GALNT14: variants seen among roughly 807,000 people sequenced by gnomAD.
GALNT14 encodes the protein polypeptide N-acetylgalactosaminyltransferase 14, also known as UDP-GalNAc:polypeptide N-acetylgalactosaminyltransferase 14.
In GALNT14, 60 loss-of-function variants were observed where a neutral mutation model predicts 77.5. The ratio of observed to expected loss-of-function variants is 0.77; its 90% CI spans 0.63 to 0.96. GALNT14 has a LOEUF of 0.96. Among genes scored for constraint, GALNT14 ranks in the 40% least tolerant of loss-of-function variants. GALNT14 has a pLI of 0.00. For missense variants in GALNT14, 710 were observed against 731.0 expected (o/e 0.97, Z 0.33); for synonymous variants, 280 against 281.7 (o/e 0.99, Z 0.06).
chr2:31,013,269 A>T (rs1671149469), intron 1 of GALNT14, among the ~76,000 whole-genome samples: 1 of 146,238 alleles, frequency 6.8e-6, no homozygotes, highest in Admixed American at 7.1e-5. Context: ...TCATCTTTTT[A>T]AATAAAAACC....
At chr2:31,031,923 T>C (rs1672440333) in intron 1 of GALNT14, among the ~76,000 whole-genome samples, 1 of 152,204 alleles carries the variant, frequency 6.6e-6, no homozygotes, top group Admixed American at 6.5e-5. Context: ...GTTTTGAAGC[T>C]CTGTCTCTGG....
intron 1 of GALNT14, among the ~76,000 whole-genome samples, chr2:31,109,308 C>T (rs1321220777): frequency 6.6e-6 from 1 of 152,178 alleles, no homozygotes; most frequent in African/African-American, 2.4e-5. Context: ...GCCTATGTAA[C>T]ATTTCTCTGA....
At chr2:30,901,794 T>C in the GALNT14 span, among the ~76,000 whole-genome samples, 694 of 152,112 alleles carry the variant, frequency 4.6e-3, 3 homozygotes, top group Admixed American at 9.7e-3. Flanking sequence ...GATGCAACCT[T>C]GGGGGACGGG....
At position 31,137,510 on chromosome 2, in the gene GALNT14, C is replaced by T. The variant is rs529205513; in HGVS notation, c.129+448G>A. The stretch of plus-strand genomic sequence containing the variant: ...CAACGCACAGGCGCGCGCGGCGCAC[C>T]CGGCCTCCGGCCTCCCCAGGTCGGG... On this transcript the variant is annotated intron_variant, in intron 1 of 14. Transcript: ENST00000349752. Among the ~76,000 whole-genome samples the T allele has an allele frequency of 5.9e-5, 9 of 152,174 alleles. No individual in the cohort carries two copies. The East Asian group carries it at 1.8e-3, about 30-fold the overall frequency.
intron 9 of GALNT14, among the ~76,000 whole-genome samples, chr2:30,938,324 C>CAA (rs1164811369): frequency 6.6e-6 from 1 of 151,028 alleles, no homozygotes; most frequent in Non-Finnish European, 1.5e-5. Flanking sequence ...CACACACACA[C>CAA]ACACAGACTT....
In GALNT14 at chr2:31,095,424, C is replaced by A. The variant is rs183538058; in HGVS notation, c.129+42534G>T. On this transcript the variant is annotated intron_variant, in intron 1 of 14. Transcript: ENST00000349752. The stretch of plus-strand genomic sequence containing the variant: ...AATAACTGGACACACAAGAAATCAT[C>A]CCCCAAAGGGTCATATGCCAGTCTC... Among the ~76,000 whole-genome samples, 10 of 152,222 alleles carry A rather than the reference C, an allele frequency of 6.6e-5. No homozygotes were observed. In the East Asian group the frequency reaches 1.9e-3, roughly 29 times the overall value.
chr2:30,942,371 C>A, intron 8 of GALNT14, 67 bp from the exon 9 acceptor site: 1 of 1,227,284 alleles, frequency 8.1e-7, no homozygotes, highest in Admixed American at 1.8e-5. Flanking sequence ...AATTCTTCGG[C>A]CCCTTGAGTC....
intron 1 of GALNT14, among the ~76,000 whole-genome samples, chr2:31,031,780 C>G (rs1672430607): frequency 6.6e-6 from 1 of 152,178 alleles, no homozygotes; most frequent in African/African-American, 2.4e-5. Flanking sequence ...AGTGCAGGAT[C>G]TTGGCTACAC....
At chr2:31,119,501 A>T (rs943322635) in intron 1 of GALNT14, among the ~76,000 whole-genome samples, 3 of 152,206 alleles carry the variant, frequency 2.0e-5, no homozygotes, top group Non-Finnish European at 4.4e-5. Flanking sequence ...ATAAAATTAC[A>T]ATTGGATCCC....
chr2:30,918,795 T>C (rs1183861743), intron 13 of GALNT14, among the ~76,000 whole-genome samples: 75 of 71,022 alleles, frequency 1.1e-3, no homozygotes, highest in Admixed American at 4.3e-3. Context: ...AGGGTGGCAT[T>C]GGGCAGGGAG....
chr2:31,108,271 A>G (rs1677661756), intron 1 of GALNT14, among the ~76,000 whole-genome samples: 1 of 152,214 alleles, frequency 6.6e-6, no homozygotes, highest in Non-Finnish European at 1.5e-5. Flanking sequence ...CATCAGTCAC[A>G]AATATTGCCC....
chr2:31,128,078 A>G (rs568392391), intron 1 of GALNT14, among the ~76,000 whole-genome samples: 1 of 152,264 alleles, frequency 6.6e-6, no homozygotes, highest in Non-Finnish European at 1.5e-5. Flanking sequence ...GCTTACTGGA[A>G]CTGCAGACAA....
chr2:30,974,607 G>A (rs1438328415), intron 2 of GALNT14, among the ~76,000 whole-genome samples: 2 of 152,140 alleles, frequency 1.3e-5, no homozygotes, highest in African/African-American at 4.8e-5. Flanking sequence ...CACTCTCCTC[G>A]CTTCCAACGC....
chr2:30,929,797 A>T (rs553699382), intron 10 of GALNT14, among the ~76,000 whole-genome samples: 1 of 152,372 alleles, frequency 6.6e-6, no homozygotes, highest in Admixed American at 6.5e-5. Context: ...GCATATACAT[A>T]ATGAGATATC....
chr2:30,924,685 CAGCTG>C (rs1200573895), intron 12 of GALNT14, 50 bp downstream of exon 12: 1 of 1,476,346 alleles, frequency 6.8e-7, no homozygotes, highest in Admixed American at 1.7e-5. Context: ...CAGACCAAGC[CAGCTG>C]AGGGCCTCTG....
chr2:30,945,543 A>G (rs2303328), intron 7 of GALNT14, among the ~76,000 whole-genome samples: 48,618 of 152,132 alleles, frequency 0.32, 7,856 homozygotes, highest in Non-Finnish European at 0.34. Context: ...TGGACATTAA[A>G]TGGGGTGAGC....
chr2:31,006,934 G>C (rs1036753764), intron 1 of GALNT14, among the ~76,000 whole-genome samples: 2 of 152,198 alleles, frequency 1.3e-5, no homozygotes, highest in Admixed American at 6.5e-5. Context: ...CAAGGGCCCA[G>C]AGCTTAGCAC....
downstream of GALNT14, among the ~76,000 whole-genome samples, chr2:30,906,508 A>G (rs1372396188): frequency 2.7e-5 from 4 of 150,204 alleles, no homozygotes; most frequent in South Asian, 2.2e-4. Context: ...AGAAGAGCTA[A>G]CTATCCTAAA....
intron 1 of GALNT14, among the ~76,000 whole-genome samples, chr2:31,001,764 G>A (rs1039842519): frequency 1.3e-5 from 2 of 151,476 alleles, no homozygotes; most frequent in Non-Finnish European, 2.9e-5. Flanking sequence ...TATAGAATAA[G>A]GCATAACTGT....
Sources: allele counts gnomAD v4.1 joint callset (sites outside exome capture counted in the v4.1 genomes callset), GRCh38; gene constraint gnomAD v4.1.1; transcripts MANE v1.5; gene names NCBI Gene and HGNC (gene_info 2026-07-23, HGNC 2026-07-21).